Variants in NSUN6 observed in about 807,000 individuals in gnomAD.
NSUN6 encodes NOP2/Sun RNA methyltransferase 6.
A neutral mutation model predicts 58.0 loss-of-function variants in NSUN6; 64 were observed. The ratio of observed to expected loss-of-function variants is 1.10; its 90% confidence interval spans 0.90 to 1.36. NSUN6 has a LOEUF of 1.36. NSUN6 is among the 40% of genes most tolerant of loss of function. NSUN6 has a pLI of 0.00. For missense variants in NSUN6, 701 were observed against 550.1 expected (o/e 1.27, Z -2.74); for synonymous variants, 231 against 193.9 (o/e 1.19, Z -1.59).
At chr10:18,611,723 G>GGT (rs10579235) in intron 5 of NSUN6, among the ~76,000 whole-genome samples, 2,121 of 148,952 alleles carry the variant, frequency 0.014, 31 homozygotes, top group African/African-American at 0.025. Context: ...GTCTCACTAT[G>GGT]GTGTGTGTGT....
chr10:18,567,144 C>A (rs2056016661), intron 8 of NSUN6, among the ~76,000 whole-genome samples: 1 of 151,006 alleles, frequency 6.6e-6, no homozygotes, highest in Non-Finnish European at 1.5e-5. Flanking sequence ...CCATTCCATT[C>A]TCCATTACAT....
upstream of NSUN6, among the ~76,000 whole-genome samples, chr10:18,657,468 T>C (rs1281486968): frequency 6.6e-6 from 1 of 152,098 alleles, no homozygotes; most frequent in African/African-American, 2.4e-5. Flanking sequence ...AATAAAAATA[T>C]CAAGAGCCAT....
chr10:18,588,065 C>T (rs140655680), intron 7 of NSUN6, among the ~76,000 whole-genome samples: 81 of 152,274 alleles, frequency 5.3e-4, no homozygotes, highest in African/African-American at 1.7e-3. Context: ...CTGGAGTCAA[C>T]GTGGGATGAC....
At chr10:18,597,632 G>A (rs1029743769) in intron 6 of NSUN6, among the ~76,000 whole-genome samples, 29 of 152,168 alleles carry the variant, frequency 1.9e-4, no homozygotes, top group African/African-American at 6.5e-4. Context: ...TGGGCATGGT[G>A]GCACATGCCT....
upstream of NSUN6, chr10:18,652,543 G>GCAAGT (rs1377955380): frequency 1.3e-4 from 131 of 978,684 alleles, no homozygotes; most frequent in Non-Finnish European, 1.6e-4. Context: ...ACAACAACCT[G>GCAAGT]CAAGTTGTTT....
intron 6 of NSUN6, among the ~76,000 whole-genome samples, chr10:18,601,124 T>C (rs2057822586): frequency 6.6e-6 from 1 of 151,174 alleles, no homozygotes; most frequent in South Asian, 2.1e-4. Flanking sequence ...AGAAACCGTA[T>C]CAGTTTTCTT....
At position 18,546,040 on chromosome 10, in the gene NSUN6, C is replaced by T. The variant is rs1778243834; in HGVS notation, c.1303G>A (p.Asp435Asn). The T allele has an allele frequency of 6.2e-7, 1 of 1,600,582 alleles. No individual in the cohort carries two copies. The highest frequency in any genetic ancestry group is 8.5e-7 in the Non-Finnish European group (1 of 1,174,704). Residue 435 changes from aspartate (D) to asparagine (N), a missense_variant, in exon 11 of 11, where the codon GAC (aspartate) becomes AAC (asparagine). By Grantham distance (23) the Asp-to-Asn change is conservative. Coordinates refer to ENST00000377304, the MANE Select transcript of NSUN6 (RefSeq NM_182543.5). ...CTGGCCTCTCTAAGAGAGTCCATGT[C>T]AGTGTCCGGTAATGGCACAGCCGAT... ...DPSAVPLPDT[D>N]MDSLREARRE...
intron 3 of NSUN6, among the ~76,000 whole-genome samples, chr10:18,634,399 C>T (rs534030123): frequency 3.3e-5 from 5 of 152,216 alleles, no homozygotes; most frequent in African/African-American, 1.2e-4. Flanking sequence ...CAAGATAAAA[C>T]TTATCTCCTA....
upstream of NSUN6, chr10:18,658,437 T>G (rs2059801816): frequency 6.5e-6 from 1 of 153,194 alleles, no homozygotes; most frequent in African/African-American, 2.4e-5. Flanking sequence ...TCAACTGGTT[T>G]CAAGGACATT....
In NSUN6 at chr10:18,587,420, C is replaced by T. The variant is rs112337427; in HGVS notation, c.778-1327G>A. Among the ~76,000 whole-genome samples the T allele has an allele frequency of 5.6e-3, 856 of 152,072 alleles. 3 individuals carry two copies. The highest frequency in any genetic ancestry group is 0.016 in the African/African-American group (668 of 41,468). On this transcript the variant is annotated intron_variant, in intron 7 of 10. Coordinates refer to ENST00000377304, the MANE Select transcript of NSUN6 (RefSeq NM_182543.5). ...CAAAATATTTTGGTATGGTATAAAA[C>T]GCAGTTCAAGAAAATTTTATATAGT...
chr10:18,617,644 A>G (rs960492879), intron 3 of NSUN6, among the ~76,000 whole-genome samples: 3 of 151,986 alleles, frequency 2.0e-5, no homozygotes, highest in Admixed American at 6.6e-5. Flanking sequence ...CCTGTTTCCA[A>G]TCTTGAATGA....
intron 8 of NSUN6, among the ~76,000 whole-genome samples, chr10:18,562,300 GAGAATGGAATGGAATGC>G (rs2055575109): frequency 1.3e-5 from 2 of 150,802 alleles, no homozygotes; most frequent in South Asian, 2.1e-4. Context: ...GAATGCAACG[GAGAATGGAATGGAATGC>G]AGAATGGAAT....
rs535492704 is a variant in NSUN6 at position 18,563,899 on chromosome 10, CCATTA to C, written c.923-11933_923-11929del. 3.4e-4 allele frequency among the ~76,000 whole-genome samples: 52 copies of C among 150,782 alleles called. No homozygotes were observed. In the East Asian group the frequency reaches 8.9e-3, roughly 26 times the overall value. On this transcript the variant is annotated intron_variant, in intron 8 of 10. Coordinates refer to ENST00000377304, the MANE Select transcript of NSUN6 (RefSeq NM_182543.5). The stretch of plus-strand genomic sequence containing the variant: ...TCCATTCTCCATTCCATTCCATCCT[CCATTA>C]CATTACATTCTCCATTCCATTCCAC...
At chr10:18,601,253 C>T (rs2057827007) in intron 6 of NSUN6, among the ~76,000 whole-genome samples, 1 of 151,846 alleles carries the variant, frequency 6.6e-6, no homozygotes, top group Admixed American at 6.6e-5. Flanking sequence ...AGATGCAGCT[C>T]ATGATTTGAG....
intron 8 of NSUN6, among the ~76,000 whole-genome samples, chr10:18,560,591 T>TG (rs1381865654): frequency 7.1e-6 from 1 of 140,326 alleles, no homozygotes; most frequent in African/African-American, 2.7e-5. Flanking sequence ...GTATGGAGAA[T>TG]GGAATAGAAT....
At chr10:18,637,040 A>T (rs1344505124) in intron 3 of NSUN6, among the ~76,000 whole-genome samples, 1 of 149,094 alleles carries the variant, frequency 6.7e-6, no homozygotes, top group Non-Finnish European at 1.5e-5. Flanking sequence ...TCAGCTCACT[A>T]CAACCTCCAC....
chr10:18,555,056 A>G (rs932157299), intron 8 of NSUN6, among the ~76,000 whole-genome samples: 5 of 150,708 alleles, frequency 3.3e-5, no homozygotes, highest in African/African-American at 1.2e-4. Context: ...TGGAATGGAG[A>G]ATGGAATGGA....
At chr10:18,591,676 A>T (rs543105208) in intron 7 of NSUN6, among the ~76,000 whole-genome samples, 9 of 152,334 alleles carry the variant, frequency 5.9e-5, no homozygotes, top group Middle Eastern at 3.4e-3. Context: ...ACATCCCTTC[A>T]TGTTAAAAAC....
At chr10:18,608,870 T>C (rs1241255846) in intron 6 of NSUN6, among the ~76,000 whole-genome samples, 1 of 152,102 alleles carries the variant, frequency 6.6e-6, no homozygotes, top group African/African-American at 2.4e-5. Flanking sequence ...ATTCCCAAAA[T>C]GATTCATAAA....
Sources: allele counts gnomAD v4.1 joint callset (sites outside exome capture counted in the v4.1 genomes callset), GRCh38; gene constraint gnomAD v4.1.1; transcripts MANE v1.5; gene names NCBI Gene and HGNC (gene_info 2026-07-23, HGNC 2026-07-21).